ARID2: variants seen among roughly 807,000 people sequenced by gnomAD.
ARID2 encodes AT-rich interaction domain 2.
ARID2 carries 32 observed loss-of-function variants against 184.6 expected under a neutral mutation model. That is an observed-to-expected ratio of 0.17 (90% CI 0.13 to 0.23). ARID2 has a LOEUF of 0.23. Ranked by LOEUF, ARID2 falls within the 10% of genes least tolerant of loss-of-function variation. ARID2 has a pLI of 1.00. For synonymous variants in ARID2, 836 were observed against 772.6 expected (o/e 1.08, Z -1.36); for missense variants, 1,696 against 2,197.6 (o/e 0.77, Z 4.56).
chr12:45,763,665 T>G (rs924686399), intron 3 of ARID2, among the ~76,000 whole-genome samples: 5 of 151,950 alleles, frequency 3.3e-5, no homozygotes, highest in Non-Finnish European at 7.4e-5. Flanking sequence ...TTTTTTAAAA[T>G]TTTTTTGTAG....
intron 6 of ARID2, among the ~76,000 whole-genome samples, chr12:45,822,656 A>C (rs1409852722): frequency 6.6e-6 from 1 of 152,150 alleles, no homozygotes; most frequent in East Asian, 1.9e-4. Context: ...TAATCACTTA[A>C]ATATTAAAAA....
intron 3 of ARID2, among the ~76,000 whole-genome samples, chr12:45,743,343 T>C (rs1274068507): frequency 2.0e-5 from 3 of 152,106 alleles, no homozygotes; most frequent in African/African-American, 7.2e-5. Flanking sequence ...CCCTCTAGCC[T>C]GGGTGACTGA....
chr12:45,762,924 A>G (rs1462783957), intron 3 of ARID2, among the ~76,000 whole-genome samples: 1 of 152,192 alleles, frequency 6.6e-6, no homozygotes, highest in Non-Finnish European at 1.5e-5. Context: ...CAGTATATTT[A>G]AAAAACCTTT....
At chr12:45,753,314 T>A (rs972223434) in intron 3 of ARID2, among the ~76,000 whole-genome samples, 3 of 151,620 alleles carry the variant, frequency 2.0e-5, no homozygotes, top group Admixed American at 1.3e-4. Context: ...AAAAAAAGTG[T>A]TTCCCCCCTC....
In ARID2 at chr12:45,893,457, G is replaced by A. The variant is rs372711740; in HGVS notation, c.5185G>A (p.Ala1729Thr). 2 of 1,613,964 alleles carry A rather than the reference G, an allele frequency of 1.2e-6. No individual in the cohort carries two copies. The highest frequency in any genetic ancestry group is 2.2e-5 in the East Asian group (1 of 44,860). The change falls in exon 19 of 21, where the codon GCA (alanine) becomes ACA (threonine). Residue 1729 changes from alanine (A) to threonine (T), a missense_variant. By Grantham distance (58) the Ala-to-Thr change is moderately conservative. Around this residue, in one of 11 missense-constraint regions of ARID2, gnomAD observed 58 missense variants for 47.1 expected, o/e 1.23. Transcript: ENST00000334344. ...TVGGTSSTPRAQKAIVNHPSA... is the reference protein window; with the variant it reads ...TVGGTSSTPRTQKAIVNHPSA... ...AGGGGGCACAAGCTCAACTCCTAGA[G>A]CACAAAAGGCCATTGTGAATCATCC...
intron 16 of ARID2, among the ~76,000 whole-genome samples, chr12:45,877,707 T>G (rs1236763852): frequency 2.0e-5 from 3 of 152,188 alleles, no homozygotes; most frequent in Non-Finnish European, 4.4e-5. Flanking sequence ...TGTCACTCAT[T>G]TCACTTATCT....
At chr12:45,870,417 CAT>C (rs781336374) in intron 16 of ARID2, among the ~76,000 whole-genome samples, 7 of 152,308 alleles carry the variant, frequency 4.6e-5, no homozygotes, top group South Asian at 2.1e-4. Context: ...GTGTGGTACA[CAT>C]GTGATAATTG....
intron 20 of ARID2, among the ~76,000 whole-genome samples, chr12:45,900,255 T>C (rs1291768499): frequency 2.0e-5 from 3 of 152,124 alleles, no homozygotes; most frequent in Non-Finnish European, 4.4e-5. Context: ...GAGATGGGGT[T>C]TCACCATGTG....
At chr12:45,793,225 C>T (rs557954764) in intron 3 of ARID2, among the ~76,000 whole-genome samples, 11 of 151,948 alleles carry the variant, frequency 7.2e-5, no homozygotes, top group African/African-American at 2.2e-4. Context: ...GCTTGAACCC[C>T]GGAAGCAGAG....
chr12:45,899,423 T>C (rs1360231701), intron 20 of ARID2, among the ~76,000 whole-genome samples: 1 of 148,240 alleles, frequency 6.7e-6, no homozygotes, highest in Non-Finnish European at 1.5e-5. Flanking sequence ...GCTAACACAG[T>C]GAAACCCCAT....
At chr12:45,861,047 T>C in intron 16 of ARID2, 98 bp downstream of exon 16, 1 of 1,175,548 alleles carries the variant, frequency 8.5e-7, no homozygotes, top group Non-Finnish European at 1.1e-6. Flanking sequence ...AAAATTTTCC[T>C]TTAGAACCAC....
chr12:45,764,702 G>A (rs1395204883), intron 3 of ARID2, among the ~76,000 whole-genome samples: 1 of 152,112 alleles, frequency 6.6e-6, no homozygotes, highest in African/African-American at 2.4e-5. Context: ...TCATTCTTTT[G>A]TGTTGTTAAG....
chr12:45,747,594 A>G (rs1941383911), intron 3 of ARID2, among the ~76,000 whole-genome samples: 1 of 152,162 alleles, frequency 6.6e-6, no homozygotes, highest in South Asian at 2.1e-4. Context: ...CCTCTCAGCA[A>G]GTGGGAAATC....
intron 4 of ARID2, among the ~76,000 whole-genome samples, chr12:45,816,998 A>G (rs1942815037): frequency 1.3e-5 from 2 of 152,238 alleles, no homozygotes; most frequent in African/African-American, 4.8e-5. Context: ...TAAAATTAGC[A>G]TGGGTTTTAC....
intron 11 of ARID2, chr12:45,841,244 C>T (rs1943337803): frequency 6.6e-6 from 1 of 152,194 alleles, no homozygotes. Flanking sequence ...TTGACCTTCA[C>T]AGTTCTTTTG....
intron 3 of ARID2, among the ~76,000 whole-genome samples, chr12:45,802,783 A>G (rs1942531017): frequency 6.6e-6 from 1 of 152,138 alleles, no homozygotes; most frequent in Non-Finnish European, 1.5e-5. Flanking sequence ...TAAAAGTCAC[A>G]AAGTAAATTT....
chr12:45,784,493 T>C (rs1942157997), intron 3 of ARID2, among the ~76,000 whole-genome samples: 1 of 151,992 alleles, frequency 6.6e-6, no homozygotes, highest in Non-Finnish European at 1.5e-5. Context: ...GCCTGGGCAA[T>C]GTGGTGAAAC....
intron 3 of ARID2, among the ~76,000 whole-genome samples, chr12:45,796,133 C>T (rs995789590): frequency 1.3e-5 from 2 of 151,994 alleles, no homozygotes; most frequent in Non-Finnish European, 2.9e-5. Context: ...TTATTCAGAA[C>T]TCAGAAGGAA....
intron 20 of ARID2, among the ~76,000 whole-genome samples, chr12:45,897,092 A>G (rs1944379867): frequency 1.3e-5 from 2 of 152,238 alleles, no homozygotes; most frequent in Non-Finnish European, 1.5e-5. Flanking sequence ...ATAGAGACCA[A>G]TGGAATAGAA....
Sources: gnomAD v4.1 joint callset for allele counts (sites outside exome capture counted in the v4.1 genomes callset) on GRCh38, gnomAD v4.1.1 for gene constraint, gnomAD v4.1.1 regional missense constraint, MANE v1.5 for transcripts, NCBI Gene and HGNC (gene_info 2026-07-23, HGNC 2026-07-21) for gene names.